The following IGSF9 variants were observed in gnomAD, a reference collection of about 807,000 sequenced individuals.
IGSF9 encodes immunoglobulin superfamily member 9.
In IGSF9, 87 loss-of-function variants were observed where a neutral mutation model predicts 121.7. The observed-to-expected ratio is 0.71, with a 90% CI of 0.60 to 0.85. The LOEUF (loss-of-function observed/expected upper bound fraction) is 0.85. IGSF9 is among the 40% of genes least tolerant of loss of function. The pLI is 0.00. For synonymous variants in IGSF9, 640 were observed against 648.4 expected, an observed-to-expected ratio of 0.99 and a Z score of 0.20; for missense variants, 1,462 against 1,565.3, an observed-to-expected ratio of 0.93 and a Z score of 1.11.
In IGSF9 at chr1:159,931,173, A is replaced by G. The variant is rs1650984304; in HGVS notation, c.1602T>C (p.Gly534=). 1 of 1,613,982 alleles carries G rather than the reference A, an allele frequency of 6.2e-7. No individual in the cohort carries two copies. The highest frequency in any genetic ancestry group is 1.7e-5 in the Admixed American group (1 of 60,002). ...NVSWEPGFDG[G]YLQRFSVWYT... ...ACCAGACACTGAATCTCTGCAGATA[A>G]CCACCATCAAAGCCAGGCTCCCAGG... The change falls in exon 13 of 21, where the codon GGT becomes GGC. Residue 534 remains glycine, a synonymous_variant. Coordinates refer to ENST00000368094, the MANE Select transcript of IGSF9 (RefSeq NM_001135050.2). The surrounding 1 kb of genome is among the most constrained non-coding windows in gnomAD (Gnocchi z 4.8).
At chr1:159,942,322 C>T (rs1651411272) in intron 3 of IGSF9, among the ~76,000 whole-genome samples, 1 of 152,194 alleles carries the variant, frequency 6.6e-6, no homozygotes, top group Non-Finnish European at 1.5e-5. Flanking sequence ...AAAGCAGCAA[C>T]CCAGGCCAGC....
At chr1:159,944,733 A>C (rs1267208112) in intron 1 of IGSF9, among the ~76,000 whole-genome samples, 1 of 152,080 alleles carries the variant, frequency 6.6e-6, no homozygotes, top group Non-Finnish European at 1.5e-5. Flanking sequence ...GAGTCCTCCA[A>C]CCCACTCTTG....
At chr1:159,933,417 A>G (rs1325503728) in intron 9 of IGSF9, 1 of 152,340 alleles carries the variant, frequency 6.6e-6, no homozygotes, top group Non-Finnish European at 1.5e-5. Flanking sequence ...GAAAAGATGC[A>G]ATACTAGGCC....
At chr1:159,934,357 G>C (rs773851966) in intron 8 of IGSF9, 25 bp from the exon 9 acceptor site, 5 of 1,573,510 alleles carry the variant, frequency 3.2e-6, no homozygotes, top group East Asian at 2.3e-5. Flanking sequence ...TGGCAAGTTG[G>C]GGGAGAGGGG....
At position 159,928,814 on chromosome 1, in the gene IGSF9, A is replaced by C. The variant is rs762981917; in HGVS notation, c.2574T>G (p.Thr858=). 1 of 1,512,636 alleles carries C rather than the reference A, an allele frequency of 6.6e-7. No individual in the cohort carries two copies. Among genetic ancestry groups the C allele is most frequent in the Non-Finnish European group, 8.8e-7 (1 of 1,130,314 alleles). 93.7% of individuals were successfully genotyped at this position (1,512,636 alleles called of 1,614,324 possible). A position where few individuals can be genotyped will look rare whatever the true frequency, so the allele number is the denominator to read the frequency against. The change falls in exon 19 of 21, where the codon ACT becomes ACG. Residue 858 remains threonine, a synonymous_variant. Coordinates refer to ENST00000368094, the MANE Select transcript of IGSF9 (RefSeq NM_001135050.2). ...CTGACCTTTCCTGGGGGGCCGCCAC[A>C]GTGGGCCCCATCACAAAGCGCCCGT... ...GPDGRFVMGP[T]VAAPQERSGR... is the part of the protein sequence containing the mutation.
intron 3 of IGSF9, among the ~76,000 whole-genome samples, chr1:159,940,431 AC>A (rs1651338610): frequency 6.6e-6 from 1 of 152,114 alleles, no homozygotes; most frequent in African/African-American, 2.4e-5. Flanking sequence ...TCCTGGGCCC[AC>A]CTCCTGGAGG....
rs941555505 is a variant in IGSF9 at position 159,932,058 on chromosome 1, C to A, written c.1246-130G>T. On this transcript the variant is annotated intron_variant, in intron 10 of 20. Transcript: ENST00000368094. This position sits in a 1 kb window ranked among gnomAD's most constrained non-coding sequence, Gnocchi z 4.1. ...TCACTCCCCCTAGCTAAACACTCAC[C>A]AAGCCTGTCTCTACCTCATTCTCTC... is the stretch of plus-strand genomic sequence containing the variant. 68 of 634,396 alleles carry A rather than the reference C, an allele frequency of 1.1e-4. No homozygotes were observed. In the South Asian group the frequency reaches 1.2e-3, roughly 11 times the overall value. The allele number at this position is 634,396 out of a possible 1,614,324, so 39.3% of individuals were successfully genotyped here.
rs745798098 is a variant in IGSF9 at position 159,928,195 on chromosome 1, A to T, written c.3193T>A (p.Trp1065Arg). 6.2e-7 allele frequency: 1 copy of T among 1,611,762 alleles called. No individual in the cohort carries two copies. The highest frequency in any genetic ancestry group is 1.1e-5 in the South Asian group (1 of 91,084). The change falls in exon 19 of 21, where the codon TGG becomes AGG. Residue 1065 changes from tryptophan to arginine, a missense_variant. By Grantham distance (101) the Trp-to-Arg change is moderately radical. This residue lies in a region of IGSF9 where 808 missense variants were observed against 815.2 expected (regional missense o/e 0.99). Coordinates refer to ENST00000368094, the MANE Select transcript of IGSF9 (RefSeq NM_001135050.2). Reference protein sequence around the residue: ...TSSWASGPERWPRREHVVTVS... With the variant: ...TSSWASGPERRPRREHVVTVS... ...GTCACCACATGCTCCCTTCGGGGCCATCTCTCAGGGCCACTGGCCCAGCTG... is the reference window on the plus strand; with the variant it reads ...GTCACCACATGCTCCCTTCGGGGCCTTCTCTCAGGGCCACTGGCCCAGCTG...
intron 2 of IGSF9, 51 bp from the exon 3 acceptor site, chr1:159,943,202 G>C (rs1056624386): frequency 6.7e-7 from 1 of 1,487,334 alleles, no homozygotes; most frequent in African/African-American, 1.4e-5. Context: ...GTCAGTGCTG[G>C]GAGGGGGAGT....
Position 159,930,293 on chromosome 1 carries a change from CCA to C in IGSF9, c.1958_1959del (p.Leu653ArgfsTer146). On this transcript the variant is annotated frameshift_variant, in exon 15 of 21. Transcript: ENST00000368094. LOFTEE classifies it high-confidence loss of function. ...WDPPELVPKR[L>X]DGYVLEGRQG... ...TGCCGGCCTTCCAAGACGTAGCCAT[CCA>C]GTCTCTTAGGGACCAGCTCTGGGGG... is the stretch of plus-strand genomic sequence containing the variant. The C allele has an allele frequency of 9.3e-6, 15 of 1,613,932 alleles. No homozygotes were observed. The highest frequency in any genetic ancestry group is 1.3e-5 in the Non-Finnish European group (15 of 1,179,948).
rs1250810647 is a variant in IGSF9 at position 159,930,342 on chromosome 1, C to G, written c.1911G>C (p.Arg637=). Reference sequence around the variant, plus strand: ...GGGGATCCCAATGCAGGAGTACCCCCCGGGGTGTCCTCACTGCCACCAGAC... The same window carrying G: ...GGGGATCCCAATGCAGGAGTACCCCGCGGGGTGTCCTCACTGCCACCAGAC... ...PRGLVAVRTP[R]GVLLHWDPPE... The change falls in exon 15 of 21, where the codon CGG becomes CGC. Residue 637 remains arginine (R), a synonymous_variant. Transcript: ENST00000368094. 7 of 1,608,584 alleles carry G rather than the reference C, an allele frequency of 4.4e-6. No homozygotes were observed. Among genetic ancestry groups the G allele is most frequent in the Non-Finnish European group, 5.1e-6 (6 of 1,176,812 alleles).
rs1350677033 is a variant in IGSF9 at position 159,930,327 on chromosome 1, A to G, written c.1926T>C (p.His642=). The change falls in exon 15 of 21, where the codon CAT becomes CAC. Residue 642 remains histidine (H), a synonymous_variant. Transcript: ENST00000368094. ...TAGGGACCAGCTCTGGGGGATCCCA[A>G]TGCAGGAGTACCCCCCGGGGTGTCC... is the stretch of plus-strand genomic sequence containing the variant. ...AVRTPRGVLL[H]WDPPELVPKR... is the part of the protein sequence containing the mutation. 3 of 1,612,956 alleles carry G rather than the reference A, an allele frequency of 1.9e-6. No individual in the cohort carries two copies. The highest frequency in any genetic ancestry group is 2.7e-5 in the African/African-American group (2 of 74,840).
chr1:159,934,419 G>T lies in IGSF9; in HGVS notation c.961+6C>A. The T allele has an allele frequency of 6.3e-7, 1 of 1,576,006 alleles. No individual in the cohort carries two copies. Among genetic ancestry groups the T allele is most frequent in the East Asian group, 2.4e-5 (1 of 42,490 alleles). Reference sequence around the variant, plus strand: ...AGGCTGAGGGAGAAGCTGGGGTCAGGCTTACAGAGCACAGTGAGGTAGGCA... The same window carrying T: ...AGGCTGAGGGAGAAGCTGGGGTCAGTCTTACAGAGCACAGTGAGGTAGGCA... On this transcript the variant is annotated splice_donor_region_variant and intron_variant, in intron 8 of 20. Transcript: ENST00000368094.
chr1:159,928,315 T>C lies in IGSF9; in HGVS notation c.3073A>G (p.Ser1025Gly). 3 of 1,611,098 alleles carry C rather than the reference T, an allele frequency of 1.9e-6. No homozygotes were observed. Among genetic ancestry groups the C allele is most frequent in the Non-Finnish European group, 2.5e-6 (3 of 1,178,770 alleles). ...AAPRGSLTSQ[S>G]SGRGSASFLR... ...AACGAAGCGCTGCCTCGCCCACTGC[T>C]CTGGCTGGTGAGGCTGCCTCGAGGG... The change falls in exon 19 of 21, where the codon AGC becomes GGC. Residue 1025 changes from serine to glycine, a missense_variant. Physicochemically the swap from Ser to Gly is moderately conservative, Grantham distance 56 (BLOSUM62 0). This residue lies in a region of IGSF9 where 808 missense variants were observed against 815.2 expected (regional missense o/e 0.99). Transcript: ENST00000368094.
chr1:159,931,275 A>G lies in IGSF9; in HGVS notation c.1514-14T>C, dbSNP rs896055327. 2.5e-6 allele frequency: 4 copies of G among 1,614,022 alleles called. No individual in the cohort carries two copies. Among genetic ancestry groups the G allele is most frequent in the Non-Finnish European group, 3.4e-6 (4 of 1,179,932 alleles). On this transcript the variant is annotated splice_polypyrimidine_tract_variant and intron_variant, in intron 12 of 20. Coordinates refer to ENST00000368094, the MANE Select transcript of IGSF9 (RefSeq NM_001135050.2). This position sits in a 1 kb window ranked among gnomAD's most constrained non-coding sequence, Gnocchi z 4.8. ...GAGGGCTAGTGCCTAGGCAGGGGGGAATGGAGGGATGGTGGTCAGGGCCTG... is the reference window on the plus strand; with the variant it reads ...GAGGGCTAGTGCCTAGGCAGGGGGGGATGGAGGGATGGTGGTCAGGGCCTG...
rs560609038 is a variant in IGSF9, at chr1:159,934,338, G to A, written c.962-6C>T. On this transcript the variant is annotated splice_polypyrimidine_tract_variant and splice_region_variant and intron_variant, in intron 8 of 20. Coordinates refer to ENST00000368094, the MANE Select transcript of IGSF9 (RefSeq NM_001135050.2). The stretch of plus-strand genomic sequence containing the variant: ...AGCTGTCACCTGGGCTGGGTCTGGG[G>A]GAAAGTAGTGGCAAGTTGGGGGAGA... 149 of 1,584,112 alleles carry A rather than the reference G, an allele frequency of 9.4e-5. 3 individuals are homozygous for A. The South Asian group carries it at 1.6e-3, about 17-fold the overall frequency.
chr1:159,927,744 C>T lies in IGSF9; in HGVS notation c.3358+16G>A, dbSNP rs565623138. On this transcript the variant is annotated intron_variant, in intron 20 of 20. Coordinates refer to ENST00000368094, the MANE Select transcript of IGSF9 (RefSeq NM_001135050.2). ...AGTATGGCCGAGATGCCTGCCTTTC[C>T]GGGGGGCTCACACACCTAGCTCTGG... The T allele has an allele frequency of 6.6e-5, 107 of 1,609,610 alleles. No homozygotes were observed. Among genetic ancestry groups the T allele is most frequent in the Non-Finnish European group, 8.1e-5 (95 of 1,178,446 alleles).
Position 159,932,323 on chromosome 1 carries a change from C to T in IGSF9, c.1245+189G>A, listed in dbSNP as rs577004141. 1.1e-5 allele frequency: 7 copies of T among 620,772 alleles called. No homozygotes were observed. The highest frequency in any genetic ancestry group is 2.0e-5 in the South Asian group (1 of 51,106). The allele number at this position is 620,772 out of a possible 1,614,324, so 38.5% of individuals were successfully genotyped here. ...TGTGTGTGACTGATGTCCCACCTCC[C>T]GAGCACCACCTCTGCAGAAACCTCT... is the stretch of plus-strand genomic sequence containing the variant. On this transcript the variant is annotated intron_variant, in intron 10 of 20. Coordinates refer to ENST00000368094, the MANE Select transcript of IGSF9 (RefSeq NM_001135050.2). This position sits in a 1 kb window ranked among gnomAD's most constrained non-coding sequence, Gnocchi z 4.1.
Position 159,931,040 on chromosome 1 carries a change from A to G in IGSF9, c.1637+98T>C. 3 of 1,551,380 alleles carry G rather than the reference A, an allele frequency of 1.9e-6. No individual in the cohort carries two copies. Among genetic ancestry groups the G allele is most frequent in the Non-Finnish European group, 2.6e-6 (3 of 1,134,774 alleles). On this transcript the variant is annotated intron_variant, in intron 13 of 20. Coordinates refer to ENST00000368094, the MANE Select transcript of IGSF9 (RefSeq NM_001135050.2). This position sits in a 1 kb window ranked among gnomAD's most constrained non-coding sequence, Gnocchi z 4.8. ...AGCAGAGCCAGGACTGGTGAGGGAT[A>G]GAGGGACAGAAGAAAGGGCAGAAGG...
Sources: gnomAD v4.1 joint callset for allele counts (sites outside exome capture counted in the v4.1 genomes callset) on GRCh38, gnomAD v4.1.1 for gene constraint, gnomAD v4.1.1 regional missense constraint, Gnocchi (gnomAD v3.1) non-coding constraint, MANE v1.5 for transcripts, NCBI Gene and HGNC (gene_info 2026-07-23, HGNC 2026-07-21) for gene names.